Variants in FBXO31 observed in about 807,000 individuals in gnomAD.
FBXO31 encodes the protein F-box only protein 31.
In FBXO31, 24 loss-of-function variants were observed where a neutral mutation model predicts 54.4. That is an observed-to-expected ratio of 0.44 (90% confidence interval 0.32 to 0.62). FBXO31 has a LOEUF of 0.62. FBXO31 is among the 20% of genes least tolerant of loss of function. FBXO31 has a pLI of 0.05. For synonymous variants in FBXO31, 388 were observed against 335.6 expected (o/e 1.16, Z -1.71); for missense variants, 665 against 787.1 (o/e 0.84, Z 1.86).
chr16:87,381,592 C>T (rs1053241092), intron 1 of FBXO31, among the ~76,000 whole-genome samples: 4 of 152,214 alleles, frequency 2.6e-5, no homozygotes, highest in Admixed American at 6.5e-5. Context: ...TAATTTATGA[C>T]GAACTCTGTC....
At chr16:87,356,871 G>A (rs1246138164) in intron 2 of FBXO31, among the ~76,000 whole-genome samples, 1 of 152,168 alleles carries the variant, frequency 6.6e-6, no homozygotes, top group Non-Finnish European at 1.5e-5. Flanking sequence ...ACAGCTTTTA[G>A]GGCAGGTAGG....
rs1443913135 is a variant in FBXO31, at chr16:87,343,580, C to G, written c.657+18G>C. 1.3e-6 allele frequency: 2 copies of G among 1,581,534 alleles called. No individual in the cohort carries two copies. Among genetic ancestry groups the G allele is most frequent in the East Asian group, 4.7e-5 (2 of 42,506 alleles). ...CAGCCCTGGGACAGTGAGGACCCAG[C>G]CCCGCCGCTGCACACACCTGGATGT... is the stretch of plus-strand genomic sequence containing the variant. On this transcript the variant is annotated intron_variant, in intron 4 of 8. Coordinates refer to ENST00000311635, the MANE Select transcript of FBXO31 (RefSeq NM_024735.5).
chr16:87,347,201 C>T lies in FBXO31; in HGVS notation c.462G>A (p.Gly154=), dbSNP rs760042354. Residue 154 remains glycine, a synonymous_variant, in exon 3 of 9, where the codon GGG becomes GGA. Transcript: ENST00000311635. The stretch of plus-strand genomic sequence containing the variant: ...CCACGTTCAGCAGTCCTCCGTATGG[C>T]CCGATATCTGGCTGCCACAATCCCA... ...HILGLWQPDI[G]PYGGLLNVVV... is the part of the protein sequence containing the mutation. 3 of 1,614,154 alleles carry T rather than the reference C, an allele frequency of 1.9e-6. No individual in the cohort carries two copies. Among genetic ancestry groups the T allele is most frequent in the Non-Finnish European group, 2.5e-6 (3 of 1,180,024 alleles).
At chr16:87,347,937 T>C (rs1167442004) in intron 2 of FBXO31, among the ~76,000 whole-genome samples, 1 of 152,212 alleles carries the variant, frequency 6.6e-6, no homozygotes, top group African/African-American at 2.4e-5. Context: ...ACAATGACAA[T>C]GTCACACTCG....
rs912184088 is a variant in FBXO31 at position 87,383,223 on chromosome 16, C to T, written c.340+182G>A. ...CTAACCGCCTCAAATACCTCCCTGG[C>T]CCCCTCAACGTGGTGTCACCGCGGC... On this transcript the variant is annotated intron_variant, in intron 1 of 8. Coordinates refer to ENST00000311635, the MANE Select transcript of FBXO31 (RefSeq NM_024735.5). This position sits in a 1 kb window ranked among gnomAD's most constrained non-coding sequence, Gnocchi z 4.9. 6.6e-6 allele frequency among the ~76,000 whole-genome samples: 1 copy of T among 152,024 alleles called. No individual in the cohort carries two copies.
intron 1 of FBXO31, among the ~76,000 whole-genome samples, chr16:87,381,267 C>G (rs1057022295): frequency 9.9e-5 from 15 of 151,900 alleles, no homozygotes; most frequent in African/African-American, 3.1e-4. Flanking sequence ...GAGAAAAAGA[C>G]AAAAATAGAC....
At chr16:87,381,059 T>A (rs1434904759) in intron 1 of FBXO31, among the ~76,000 whole-genome samples, 1 of 152,182 alleles carries the variant, frequency 6.6e-6, no homozygotes, top group Non-Finnish European at 1.5e-5. Flanking sequence ...GACACATCCT[T>A]GGGGAATCTG....
chr16:87,351,407 G>A (rs924487634), intron 2 of FBXO31, among the ~76,000 whole-genome samples: 26 of 151,440 alleles, frequency 1.7e-4, no homozygotes, highest in South Asian at 2.1e-4. Flanking sequence ...GGGCTCTGGT[G>A]GCGGGGGAAA....
intron 2 of FBXO31, among the ~76,000 whole-genome samples, chr16:87,353,676 T>C (rs1043261677): frequency 2.0e-5 from 3 of 149,158 alleles, no homozygotes; most frequent in African/African-American, 7.4e-5. Flanking sequence ...CTCCAGCCTG[T>C]GAGAGGCGGG....
intron 1 of FBXO31, among the ~76,000 whole-genome samples, chr16:87,381,323 G>A (rs1907067148): frequency 1.3e-5 from 2 of 152,096 alleles, no homozygotes; most frequent in Admixed American, 1.3e-4. Flanking sequence ...TAAGGAATTC[G>A]CAAAAAGGCA....
At chr16:87,391,328 G>T (rs1229333986), upstream of FBXO31, among the ~76,000 whole-genome samples, 1 of 152,186 alleles carries the variant, frequency 6.6e-6, no homozygotes, top group Non-Finnish European at 1.5e-5. Context: ...AAAGAATCTA[G>T]TGCTGTTCCT....
In FBXO31 at chr16:87,335,205, G is replaced by C. The variant is rs1337412658; in HGVS notation, c.996+99C>G. ...GGTGCAAGCCCACTCTGAGGAGCAA[G>C]GGTGCCGGGGATCAGTGTCTGCCCA... On this transcript the variant is annotated intron_variant, in intron 7 of 8. Coordinates refer to ENST00000311635, the MANE Select transcript of FBXO31 (RefSeq NM_024735.5). The surrounding 1 kb of genome is among the most constrained non-coding windows in gnomAD (Gnocchi z 5.7). 1 of 1,545,598 alleles carries C rather than the reference G, an allele frequency of 6.5e-7. No individual in the cohort carries two copies. Among genetic ancestry groups the C allele is most frequent in the Non-Finnish European group, 8.8e-7 (1 of 1,133,774 alleles).
chr16:87,356,244 GAAAA>G (rs1232753607), intron 2 of FBXO31, among the ~76,000 whole-genome samples: 4 of 148,148 alleles, frequency 2.7e-5, no homozygotes, highest in Non-Finnish European at 6.0e-5. Context: ...AAAAAAAAAA[GAAAA>G]GAAAGAAAGA....
intron 1 of FBXO31, among the ~76,000 whole-genome samples, chr16:87,388,970 C>A (rs1907419889): frequency 6.6e-6 from 1 of 152,120 alleles, no homozygotes; most frequent in Admixed American, 6.6e-5. Context: ...TAAAATAATT[C>A]ATGAGTAATA....
intron 1 of FBXO31, among the ~76,000 whole-genome samples, chr16:87,374,237 C>T (rs1025857903): frequency 1.3e-5 from 2 of 150,820 alleles, no homozygotes; most frequent in Non-Finnish European, 2.9e-5. Flanking sequence ...GGCCCTGTCT[C>T]CACAAAAAGA....
At chr16:87,357,428 C>G (rs59373904) in intron 2 of FBXO31, among the ~76,000 whole-genome samples, 1 of 150,184 alleles carries the variant, frequency 6.7e-6, no homozygotes, top group Non-Finnish European at 1.5e-5. Flanking sequence ...CTCCCGGGTT[C>G]AAGCGATTCC....
intron 2 of FBXO31, among the ~76,000 whole-genome samples, chr16:87,350,869 A>G (rs551388588): frequency 6.6e-6 from 1 of 152,360 alleles, no homozygotes; most frequent in South Asian, 2.1e-4. Context: ...GCTGAAAAGC[A>G]GCATTTCTGA....
At chr16:87,360,247 C>G (rs1407742277) in intron 2 of FBXO31, 48 bp downstream of exon 2, 2 of 1,542,668 alleles carry the variant, frequency 1.3e-6, no homozygotes, top group Non-Finnish European at 1.8e-6. Context: ...GCACTGTCTG[C>G]TTCTGGTACA....
rs144327624 is a variant in FBXO31, at chr16:87,338,051, C to T, written c.733-1787G>A. Reference sequence around the variant, plus strand: ...TAATGAACAAAGATTTCAATGTTACCGCTGTGAGTACTGCGACTTCAACTT... The same window carrying T: ...TAATGAACAAAGATTTCAATGTTACTGCTGTGAGTACTGCGACTTCAACTT... On this transcript the variant is annotated intron_variant, in intron 5 of 8. Coordinates refer to ENST00000311635, the MANE Select transcript of FBXO31 (RefSeq NM_024735.5). This position sits in a 1 kb window ranked among gnomAD's most constrained non-coding sequence, Gnocchi z 4.3. Among the ~76,000 whole-genome samples the T allele has an allele frequency of 3.2e-3, 482 of 152,144 alleles. No homozygotes were observed. Among genetic ancestry groups the T allele is most frequent in the Non-Finnish European group, 5.5e-3 (376 of 67,984 alleles).
Sources: allele counts gnomAD v4.1 joint callset (sites outside exome capture counted in the v4.1 genomes callset), GRCh38; gene constraint gnomAD v4.1.1; non-coding constraint Gnocchi (gnomAD v3.1); transcripts MANE v1.5; gene names NCBI Gene and HGNC (gene_info 2026-07-23, HGNC 2026-07-21).